Variants in RPTOR observed in about 807,000 individuals in gnomAD.
RPTOR encodes the protein regulatory-associated protein of mTOR.
Under a neutral mutation model 169.9 loss-of-function variants are expected in RPTOR, and 21 were observed. That is an observed-to-expected ratio of 0.12 (90% CI 0.09 to 0.18). The LOEUF (loss-of-function observed/expected upper bound fraction) is 0.18, where lower values mean the gene tolerates loss of function less well. Among genes scored for constraint, RPTOR ranks in the 10% least tolerant of loss-of-function variants. The pLI is 1.00. For synonymous variants in RPTOR, 732 were observed against 753.2 expected (o/e 0.97, Z 0.46); for missense variants, 1,133 against 1,855.9 (o/e 0.61, Z 7.16).
intron 17 of RPTOR, among the ~76,000 whole-genome samples, chr17:80,886,434 C>G (rs138244292): frequency 1.3e-5 from 2 of 152,366 alleles, no homozygotes; most frequent in African/African-American, 4.8e-5. Flanking sequence ...GTTTCTGAAC[C>G]TGGCTTCTTT....
intron 4 of RPTOR, among the ~76,000 whole-genome samples, chr17:80,725,102 A>G (rs1241565258): frequency 1.3e-5 from 2 of 152,202 alleles, no homozygotes; most frequent in African/African-American, 4.8e-5. Context: ...CAGTCTTTCC[A>G]CCAGAAATCC....
At chr17:80,558,916 GACCTTGATTTTTTTAACTGTGAATTT>G (rs1391324151) in intron 1 of RPTOR, among the ~76,000 whole-genome samples, 1 of 152,078 alleles carries the variant, frequency 6.6e-6, no homozygotes, top group Non-Finnish European at 1.5e-5. Context: ...AGACTTTCTT[GACCTTGATTTTTTTAACTGTGAATTT>G]ACCATCTCAA....
At chr17:80,601,399 C>T (rs1172817059) in intron 1 of RPTOR, among the ~76,000 whole-genome samples, 1 of 39,526 alleles carries the variant, frequency 2.5e-5, no homozygotes, top group African/African-American at 1.5e-4. Context: ...GCGGGCCGCT[C>T]TCCCACATCT....
chr17:80,822,069 A>G, intron 7 of RPTOR, 132 bp from the exon 8 acceptor site: 1 of 780,966 alleles, frequency 1.3e-6, no homozygotes, highest in East Asian at 2.5e-5. Context: ...CCGTGCGCCA[A>G]GCTTCTGCTC....
At chr17:80,903,519 C>T (rs1026704974) in intron 20 of RPTOR, among the ~76,000 whole-genome samples, 10 of 152,316 alleles carry the variant, frequency 6.6e-5, no homozygotes, top group South Asian at 2.1e-4. Context: ...GTTCACAGGA[C>T]GGGCCATAGC....
chr17:80,645,903 T>C (rs1160380268), intron 3 of RPTOR, among the ~76,000 whole-genome samples: 1 of 152,246 alleles, frequency 6.6e-6, no homozygotes, highest in Non-Finnish European at 1.5e-5. Context: ...CTGAATGATC[T>C]GTAGTCTGGG....
At chr17:80,892,451 G>A (rs1051874938) in intron 18 of RPTOR, among the ~76,000 whole-genome samples, 2 of 152,214 alleles carry the variant, frequency 1.3e-5, no homozygotes, top group Non-Finnish European at 2.9e-5. Context: ...CATGCACCTC[G>A]TGTGCACTCG....
chr17:80,960,045 G>C lies in RPTOR; in HGVS notation c.3478-33G>C. On this transcript the variant is annotated intron_variant, in intron 29 of 33. Transcript: ENST00000306801. The surrounding 1 kb of genome is among the most constrained non-coding windows in gnomAD (Gnocchi z 4.8). ...AGCAGGGAGGGTGGCTCGGTGCCCC[G>C]GTCTTCACCGGGCTGCCTGTGTTTG... 6.2e-7 allele frequency: 1 copy of C among 1,605,904 alleles called. No homozygotes were observed.
chr17:80,837,181 G>A (rs1345150801), intron 9 of RPTOR, among the ~76,000 whole-genome samples: 1 of 152,116 alleles, frequency 6.6e-6, no homozygotes, highest in Non-Finnish European at 1.5e-5. Context: ...GTGACAAGGG[G>A]TCTCGACAGG....
At chr17:80,583,663 C>T (rs867025295) in intron 1 of RPTOR, among the ~76,000 whole-genome samples, 9 of 152,232 alleles carry the variant, frequency 5.9e-5, no homozygotes, top group Admixed American at 3.3e-4. Context: ...ATCCACTGGC[C>T]TCCCAACCCG....
At chr17:80,629,913 T>C (rs2065429756) in intron 2 of RPTOR, among the ~76,000 whole-genome samples, 1 of 152,274 alleles carries the variant, frequency 6.6e-6, no homozygotes, top group African/African-American at 2.4e-5. Flanking sequence ...TGTTGGACAT[T>C]GTACTGCAGC....
chr17:80,897,987 C>G (rs768363566), intron 20 of RPTOR, among the ~76,000 whole-genome samples: 5 of 152,188 alleles, frequency 3.3e-5, no homozygotes, highest in Non-Finnish European at 7.3e-5. Flanking sequence ...GCCGTCATTC[C>G]CTGTCCTCGG....
At chr17:80,797,944 A>G (rs971293210) in intron 7 of RPTOR, among the ~76,000 whole-genome samples, 4 of 152,170 alleles carry the variant, frequency 2.6e-5, no homozygotes. Flanking sequence ...TACAGTTGAG[A>G]GACAAACAGA....
chr17:80,758,388 G>A (rs1003312572), intron 6 of RPTOR, among the ~76,000 whole-genome samples: 1 of 152,150 alleles, frequency 6.6e-6, no homozygotes, highest in Non-Finnish European at 1.5e-5. Flanking sequence ...CCATTGTGGG[G>A]TGCTTTGAAT....
intron 13 of RPTOR, among the ~76,000 whole-genome samples, chr17:80,858,803 C>T (rs529884043): frequency 3.3e-5 from 5 of 152,270 alleles, no homozygotes; most frequent in Non-Finnish European, 5.9e-5. Context: ...TGGCTGTGTG[C>T]GGGGACACGC....
chr17:80,855,742 C>T lies in RPTOR; in HGVS notation c.1398+195C>T, dbSNP rs539012215. Among the ~76,000 whole-genome samples the T allele has an allele frequency of 7.3e-4, 111 of 152,322 alleles. No homozygotes were observed. In the Middle Eastern group the frequency reaches 0.01, roughly 14 times the overall value. On this transcript the variant is annotated intron_variant, in intron 12 of 33. Coordinates refer to ENST00000306801, the MANE Select transcript of RPTOR (RefSeq NM_020761.3). ...GCCCACTCTGTACCCGTGCAGCCTG[C>T]AGTGCTGCCTGGCGTTTGGGGGTCT...
chr17:80,784,072 G>C (rs139538903), intron 6 of RPTOR, among the ~76,000 whole-genome samples: 129 of 152,196 alleles, frequency 8.5e-4, no homozygotes, highest in African/African-American at 3.0e-3. Flanking sequence ...AACCTCCTGA[G>C]CTCAAACGAT....
At chr17:80,743,829 A>G (rs2066518199) in intron 5 of RPTOR, among the ~76,000 whole-genome samples, 2 of 124,212 alleles carry the variant, frequency 1.6e-5, no homozygotes, top group Non-Finnish European at 1.7e-5. Context: ...AGCCCTGGCT[A>G]CTAGCACAGC....
intron 21 of RPTOR, among the ~76,000 whole-genome samples, chr17:80,915,598 G>A (rs1209338931): frequency 1.4e-4 from 7 of 50,314 alleles, no homozygotes; most frequent in African/African-American, 5.0e-4. Flanking sequence ...AGCAGACGTC[G>A]GGAAAACCAG....
Sources: allele counts gnomAD v4.1 joint callset (sites outside exome capture counted in the v4.1 genomes callset), GRCh38; gene constraint gnomAD v4.1.1; non-coding constraint Gnocchi (gnomAD v3.1); transcripts MANE v1.5; gene names NCBI Gene and HGNC (gene_info 2026-07-23, HGNC 2026-07-21).